The following CFAP54 variants were observed in gnomAD, a reference collection of about 807,000 sequenced individuals.
The protein encoded by CFAP54 is cilia- and flagella-associated protein 54.
In CFAP54, 290 loss-of-function variants were observed where a neutral mutation model predicts 370.4. The observed-to-expected ratio is 0.78, with a 90% confidence interval of 0.71 to 0.86. The LOEUF is 0.86. CFAP54 is among the 40% of genes least tolerant of loss of function. CFAP54 has a pLI of 0.00. For missense variants in CFAP54, 3,399 were observed against 3,528.7 expected (o/e 0.96, Z 0.93); for synonymous variants, 1,206 against 1,236.5 (o/e 0.98, Z 0.52).
intron 60 of CFAP54, among the ~76,000 whole-genome samples, chr12:96,779,656 T>A (rs1958562206): frequency 6.7e-6 from 1 of 148,320 alleles, no homozygotes; most frequent in South Asian, 2.1e-4. Flanking sequence ...ATATATTAAT[T>A]TATATATTAA....
chr12:96,608,332 C>CAT (rs748038169), intron 26 of CFAP54, among the ~76,000 whole-genome samples: 1 of 140,532 alleles, frequency 7.1e-6, no homozygotes, highest in Non-Finnish European at 1.6e-5. Context: ...CACACACACA[C>CAT]ACATACGCAC....
At chr12:96,813,640 T>C (rs1958946936) in intron 64 of CFAP54, among the ~76,000 whole-genome samples, 1 of 152,226 alleles carries the variant, frequency 6.6e-6, no homozygotes, top group African/African-American at 2.4e-5. Context: ...ATCTAAATTG[T>C]GCTGTTGTGA....
At chr12:96,599,146 T>G (rs1282786283) in intron 26 of CFAP54, among the ~76,000 whole-genome samples, 1 of 152,088 alleles carries the variant, frequency 6.6e-6, no homozygotes, top group Non-Finnish European at 1.5e-5. Context: ...CTCCTAATAC[T>G]ATCCCTCCCC....
At chr12:96,644,120 C>A in intron 32 of CFAP54, 58 bp from the exon 33 acceptor site, 3 of 1,148,388 alleles carry the variant, frequency 2.6e-6, no homozygotes, top group Non-Finnish European at 1.2e-6. Context: ...AATGATTCTT[C>A]TTTATTAAAT....
Position 96,506,947 on chromosome 12 carries a change from A to G in CFAP54, c.587A>G (p.Lys196Arg). 1.3e-6 allele frequency: 2 copies of G among 1,528,290 alleles called. No individual in the cohort carries two copies. Among genetic ancestry groups the G allele is most frequent in the Non-Finnish European group, 8.7e-7 (1 of 1,145,150 alleles). The allele number at this position is 1,528,290 out of a possible 1,614,324, so 94.7% of individuals were successfully genotyped here. ...AGLTFHALSG[K>R]NMCNYQLVCD... The stretch of plus-strand genomic sequence containing the variant: ...TTTCAGTTTCATGCTTTGAGTGGCA[A>G]AAATATGTGCAACTACCAGCTGGTC... The change falls in exon 4 of 68, where the codon AAA becomes AGA. Residue 196 changes from lysine (K) to arginine (R), a missense_variant. By Grantham distance (26) the Lys-to-Arg change is conservative (BLOSUM62 2). Around this residue, in one of 3 missense-constraint regions of CFAP54, gnomAD observed 559 missense variants for 576.7 expected, o/e 0.97. Coordinates refer to ENST00000524981, the MANE Select transcript of CFAP54 (RefSeq NM_001306084.2).
intron 19 of CFAP54, among the ~76,000 whole-genome samples, chr12:96,571,932 T>A (rs1363096878): frequency 6.6e-6 from 1 of 152,256 alleles, no homozygotes; most frequent in Non-Finnish European, 1.5e-5. Flanking sequence ...TCAAGGGCTT[T>A]GTTATAAACT....
intron 66 of CFAP54, among the ~76,000 whole-genome samples, chr12:96,851,033 C>T (rs1959528359): frequency 6.6e-6 from 1 of 152,162 alleles, no homozygotes; most frequent in Non-Finnish European, 1.5e-5. Flanking sequence ...GTTATGTGGG[C>T]TCACTTTAAT....
intron 62 of CFAP54, among the ~76,000 whole-genome samples, chr12:96,789,664 C>CA (rs1425296088): frequency 2.0e-5 from 3 of 152,164 alleles, no homozygotes; most frequent in Non-Finnish European, 4.4e-5. Flanking sequence ...GATTATGCTC[C>CA]AAATGTTCAA....
chr12:96,524,692 A>T (rs911143071), intron 8 of CFAP54, among the ~76,000 whole-genome samples: 5 of 152,202 alleles, frequency 3.3e-5, no homozygotes, highest in African/African-American at 1.2e-4. Context: ...ACAGAGCTTG[A>T]CTAGGAATAG....
Position 96,489,585 on chromosome 12 carries a change from T to TG in CFAP54, c.-25_-24insG. The TG allele has an allele frequency of 1.3e-6, 2 of 1,496,570 alleles. No homozygotes were observed. The highest frequency in any genetic ancestry group is 1.8e-6 in the Non-Finnish European group (2 of 1,123,516). The allele number at this position is 1,496,570 out of a possible 1,614,324, so 92.7% of individuals were successfully genotyped here. Reference sequence around the variant, plus strand: ...GCCAGGCAACCGCGTGTACACATACTCCAGGCGGGCCGGGGCGCGTCAATA... The same window carrying TG: ...GCCAGGCAACCGCGTGTACACATACTGCCAGGCGGGCCGGGGCGCGTCAATA... On this transcript the variant is annotated 5_prime_UTR_variant, in exon 1 of 68. Transcript: ENST00000524981.
Position 96,742,462 on chromosome 12 carries a change from T to C in CFAP54, c.7095T>C (p.Ser2365=). Residue 2365 remains serine, a synonymous_variant, in exon 52 of 68, where the codon AGT becomes AGC. Coordinates refer to ENST00000524981, the MANE Select transcript of CFAP54 (RefSeq NM_001306084.2). ...AGGTCACTGAAAATAAAGATGACAG[T>C]GAGTTTTTAGATCCTATTTCCCTAA... ...GTSVTENKDD[S]EFLDPISLNA... 6.3e-7 allele frequency: 1 copy of C among 1,590,300 alleles called. No homozygotes were observed. The highest frequency in any genetic ancestry group is 8.6e-7 in the Non-Finnish European group (1 of 1,159,770).
intron 65 of CFAP54, among the ~76,000 whole-genome samples, chr12:96,826,449 A>G (rs1190884980): frequency 8.2e-6 from 1 of 121,948 alleles, no homozygotes; most frequent in Non-Finnish European, 1.6e-5. Context: ...TATATACCAT[A>G]TATGTTATTT....
chr12:96,664,019 T>C (rs1957027266), intron 39 of CFAP54, 87 bp downstream of exon 39: 2 of 969,358 alleles, frequency 2.1e-6, no homozygotes, highest in Non-Finnish European at 3.2e-6. Flanking sequence ...CCATAATTAG[T>C]ATGTTTGTAA....
intron 26 of CFAP54, among the ~76,000 whole-genome samples, chr12:96,613,647 C>G (rs1049673799): frequency 8.6e-5 from 13 of 152,020 alleles, no homozygotes; most frequent in Admixed American, 5.9e-4. Flanking sequence ...AGAAAAGAGA[C>G]AAGAAGCAAA....
At chr12:96,608,943 C>T (rs1308195697) in intron 26 of CFAP54, among the ~76,000 whole-genome samples, 3 of 152,200 alleles carry the variant, frequency 2.0e-5, no homozygotes, top group African/African-American at 7.2e-5. Context: ...TTGATCACTT[C>T]ACTGAATGTG....
intron 63 of CFAP54, among the ~76,000 whole-genome samples, chr12:96,799,134 A>G (rs1387652773): frequency 6.6e-6 from 1 of 152,220 alleles, no homozygotes. Flanking sequence ...ACAAGTATTT[A>G]GGAGCAGTTC....
At chr12:96,820,892 G>C (rs988402829) in intron 65 of CFAP54, among the ~76,000 whole-genome samples, 4 of 152,066 alleles carry the variant, frequency 2.6e-5, no homozygotes, top group African/African-American at 9.7e-5. Flanking sequence ...TTTGAGCCAT[G>C]GTCTAGAATA....
chr12:96,549,852 T>G (rs1188633359), intron 15 of CFAP54, among the ~76,000 whole-genome samples: 1 of 152,128 alleles, frequency 6.6e-6, no homozygotes, highest in Non-Finnish European at 1.5e-5. Context: ...CTGAGGGGAA[T>G]GGAGTTGAGG....
rs533888471 is a variant in CFAP54 at position 96,500,880 on chromosome 12, C to T, written c.364C>T (p.Pro122Ser). ...NIWTKYAPRLPADYYNEKLLK... is the reference protein window; with the variant it reads ...NIWTKYAPRLSADYYNEKLLK... Reference sequence around the variant, plus strand: ...CTGGACTAAATACGCCCCCAGGCTGCCAGCAGACTATTACAACGAAAAGCT... The same window carrying T: ...CTGGACTAAATACGCCCCCAGGCTGTCAGCAGACTATTACAACGAAAAGCT... Residue 122 changes from proline (P) to serine (S), a missense_variant, in exon 2 of 68, where the codon CCA becomes TCA. Transcript: ENST00000524981. 7 of 1,535,484 alleles carry T rather than the reference C, an allele frequency of 4.6e-6. No homozygotes were observed. The highest frequency in any genetic ancestry group is 6.1e-6 in the Non-Finnish European group (7 of 1,146,586).
Sources: gnomAD v4.1 joint callset for allele counts (sites outside exome capture counted in the v4.1 genomes callset) on GRCh38, gnomAD v4.1.1 for gene constraint, gnomAD v4.1.1 regional missense constraint, MANE v1.5 for transcripts, NCBI Gene and HGNC (gene_info 2026-07-23, HGNC 2026-07-21) for gene names.